Variants in ATL3 observed in about 807,000 individuals in gnomAD.
ATL3 encodes atlastin GTPase 3, also known as atlastin-3.
Under a neutral mutation model 69.5 loss-of-function variants are expected in ATL3, and 49 were observed. The observed-to-expected ratio is 0.71, with a 90% confidence interval of 0.56 to 0.89. The LOEUF is 0.89. Ranked by LOEUF, ATL3 falls within the 40% of genes least tolerant of loss-of-function variation. The pLI, the probability that ATL3 is intolerant of heterozygous loss-of-function variation, is 0.00. For missense variants in ATL3, 606 were observed against 645.7 expected (o/e 0.94, Z 0.67); for synonymous variants, 214 against 224.1 (o/e 0.95, Z 0.40).
intron 8 of ATL3, 117 bp downstream of exon 8, chr11:63,643,240 C>CTACT: frequency 8.9e-7 from 1 of 1,128,848 alleles, no homozygotes; most frequent in Non-Finnish European, 1.2e-6. Flanking sequence ...ACTTTAAATA[C>CTACT]TACTCTTTCT....
intron 12 of ATL3, 139 bp from the exon 13 acceptor site, chr11:63,629,544 A>G (rs1024496919): frequency 8.4e-6 from 6 of 713,952 alleles, no homozygotes; most frequent in Non-Finnish European, 1.4e-5. Flanking sequence ...GCAGGGATAC[A>G]GAGAGGCTGT....
At position 63,662,543 on chromosome 11, in the gene ATL3, A is replaced by T. The variant is rs561323187; in HGVS notation, c.47-3291T>A. Among the ~76,000 whole-genome samples the T allele has an allele frequency of 9.8e-5, 15 of 152,340 alleles. No homozygotes were observed. In the South Asian group the frequency reaches 3.1e-3, roughly 32 times the overall value. ...AACTCAGGCTGGAGTGCAATGGCAC[A>T]ATCTTGCCTCACTGCAACCTCTGCC... On this transcript the variant is annotated intron_variant, in intron 1 of 12. Transcript: ENST00000398868.
intron 6 of ATL3, 113 bp from the exon 7 acceptor site, chr11:63,644,374 G>A: frequency 1.2e-5 from 6 of 503,784 alleles, no homozygotes; most frequent in Admixed American, 4.0e-5. Context: ...TAAAGTAGAA[G>A]GATTTACCTT....
At chr11:63,666,558 T>G (rs944025428) in intron 1 of ATL3, among the ~76,000 whole-genome samples, 1 of 152,020 alleles carries the variant, frequency 6.6e-6, no homozygotes, top group Non-Finnish European at 1.5e-5. Context: ...CTAAAATGGG[T>G]CAAGTGCTAA....
chr11:63,669,776 G>A (rs1005806384), intron 1 of ATL3, among the ~76,000 whole-genome samples: 1 of 151,844 alleles, frequency 6.6e-6, no homozygotes, highest in Non-Finnish European at 1.5e-5. Flanking sequence ...GTGAAACCCC[G>A]TTTCTACTAA....
intron 11 of ATL3, chr11:63,632,760 G>A: frequency 4.1e-6 from 4 of 975,548 alleles, no homozygotes; most frequent in Non-Finnish European, 6.4e-6. Flanking sequence ...ATTGTCTCCT[G>A]CTCATGTGAA....
Position 63,646,532 on chromosome 11 carries a change from T to C in ATL3, c.593A>G (p.Asp198Gly). The C allele has an allele frequency of 6.2e-7, 1 of 1,604,448 alleles. No homozygotes were observed. Among genetic ancestry groups the C allele is most frequent in the Non-Finnish European group, 8.5e-7 (1 of 1,174,774 alleles). ...LFTEYGRLAM[D>G]EIFQKPFQTL... ...CTGGAAAGGCTTTTGGAAAATTTCA[T>C]CCATTGCCAGACGACCGTATTCTGT... Residue 198 changes from aspartate (D) to glycine (G), a missense_variant, in exon 6 of 13, where the codon GAT becomes GGT. Asp to Gly is a moderately conservative substitution (Grantham distance 94). Coordinates refer to ENST00000398868, the MANE Select transcript of ATL3 (RefSeq NM_015459.5).
chr11:63,657,857 C>CTT (rs1174775895), intron 3 of ATL3, among the ~76,000 whole-genome samples: 40 of 136,502 alleles, frequency 2.9e-4, no homozygotes, highest in African/African-American at 5.1e-4. Context: ...ATGCCATTGG[C>CTT]TTTTTTTTTT....
chr11:63,671,710 C>T, upstream of ATL3: 1 of 1,287,078 alleles, frequency 7.8e-7, no homozygotes, highest in Non-Finnish European at 1.0e-6. Context: ...GGCCAGCGGT[C>T]CTCATACTGC....
intron 3 of ATL3, among the ~76,000 whole-genome samples, chr11:63,654,695 G>T (rs1940186108): frequency 6.9e-6 from 1 of 145,650 alleles, no homozygotes; most frequent in Non-Finnish European, 1.5e-5. Context: ...ACCATGTCTG[G>T]CCTATTTTTT....
intron 8 of ATL3, among the ~76,000 whole-genome samples, chr11:63,637,050 G>C (rs552204714): frequency 7.2e-5 from 11 of 152,216 alleles, no homozygotes; most frequent in African/African-American, 2.6e-4. Flanking sequence ...AGGTCAAGGC[G>C]GGTGGATCAC....
intron 4 of ATL3, 150 bp from the exon 5 acceptor site, chr11:63,652,136 G>C (rs759709098): frequency 6.8e-5 from 93 of 1,372,298 alleles, no homozygotes; most frequent in Non-Finnish European, 8.6e-5. Context: ...TCTGTCTTTT[G>C]GAAAACTATG....
At position 63,624,791 on chromosome 11, in the gene ATL3, T is replaced by C. The variant is rs1425056464; in HGVS notation, c.*4528A>G. Reference sequence around the variant, plus strand: ...CTGAATTAAAGGCATTCTTACTACTTCTGAACACAGAAAACGCCTGGGGAT... The same window carrying C: ...CTGAATTAAAGGCATTCTTACTACTCCTGAACACAGAAAACGCCTGGGGAT... On this transcript the variant is annotated 3_prime_UTR_variant, in exon 13 of 13. Transcript: ENST00000398868. The C allele has an allele frequency of 1.3e-5, 2 of 152,164 alleles. No homozygotes were observed. The allele number at this position is 152,164 out of a possible 1,614,324, so 9.4% of individuals were successfully genotyped here.
rs138735416 is a variant in ATL3 at position 63,668,958 on chromosome 11, A to G, written c.46+2332T>C. On this transcript the variant is annotated intron_variant, in intron 1 of 12. Coordinates refer to ENST00000398868, the MANE Select transcript of ATL3 (RefSeq NM_015459.5). Reference sequence around the variant, plus strand: ...TCTCACCTCAGCCTCCTGAGTAGCCAGAACTACAGGCCTGCAACACCACGT... The same window carrying G: ...TCTCACCTCAGCCTCCTGAGTAGCCGGAACTACAGGCCTGCAACACCACGT... Among the ~76,000 whole-genome samples the G allele has an allele frequency of 8.2e-3, 1,202 of 147,000 alleles. 18 individuals are homozygous for G. Among genetic ancestry groups the G allele is most frequent in the African/African-American group, 0.028 (1,105 of 39,800 alleles).
At chr11:63,650,692 C>A (rs1940047133) in intron 5 of ATL3, 1 of 152,156 alleles carries the variant, frequency 6.6e-6, no homozygotes, top group African/African-American at 2.4e-5. Context: ...GCACCTGGTA[C>A]CTGTGAATGT....
intron 1 of ATL3, among the ~76,000 whole-genome samples, chr11:63,668,719 A>C (rs1265235502): frequency 6.6e-6 from 1 of 151,462 alleles, no homozygotes; most frequent in African/African-American, 2.4e-5. Context: ...TAATGGAATG[A>C]GCTCAGTAAC....
rs1940346694 is a variant in ATL3, at chr11:63,659,123, T to C, written c.176A>G (p.Asp59Gly). 1 of 1,613,940 alleles carries C rather than the reference T, an allele frequency of 6.2e-7. No homozygotes were observed. Among genetic ancestry groups the C allele is most frequent in the Admixed American group, 1.7e-5 (1 of 59,982 alleles). The change falls in exon 2 of 13, where the codon GAT becomes GGT. Residue 59 changes from aspartate (D) to glycine (G), a missense_variant. Coordinates refer to ENST00000398868, the MANE Select transcript of ATL3 (RefSeq NM_015459.5). ...ILLQDHIRDLDVVVVSVAGAF... is the reference protein window; with the variant it reads ...ILLQDHIRDLGVVVVSVAGAF... Reference sequence around the variant, plus strand: ...ACCAGCCACTGAAACCACCACCACATCAAGATCTCGGATGTGGTCCTGCAA... The same window carrying C: ...ACCAGCCACTGAAACCACCACCACACCAAGATCTCGGATGTGGTCCTGCAA...
intron 3 of ATL3, among the ~76,000 whole-genome samples, chr11:63,654,152 T>G (rs1940165799): frequency 6.6e-6 from 1 of 150,862 alleles, no homozygotes; most frequent in Admixed American, 6.6e-5. Flanking sequence ...ACAATTTGTT[T>G]TTTTTTTTTT....
intron 11 of ATL3, among the ~76,000 whole-genome samples, chr11:63,631,818 C>A (rs906371552): frequency 5.9e-5 from 9 of 152,060 alleles, no homozygotes; most frequent in African/African-American, 2.2e-4. Context: ...TCCGTCTCTA[C>A]TAACACAAAA....
Sources: gnomAD v4.1 joint callset for allele counts (sites outside exome capture counted in the v4.1 genomes callset) on GRCh38, gnomAD v4.1.1 for gene constraint, MANE v1.5 for transcripts, NCBI Gene and HGNC (gene_info 2026-07-23, HGNC 2026-07-21) for gene names.